The following TIAM1 variants were observed in gnomAD, a reference collection of about 807,000 sequenced individuals.
TIAM1 encodes TIAM Rac1 associated GEF 1, also known as rho guanine nucleotide exchange factor TIAM1.
Under a neutral mutation model 163.5 loss-of-function variants are expected in TIAM1, and 65 were observed. The ratio of observed to expected loss-of-function variants is 0.40; its 90% CI spans 0.33 to 0.49. The LOEUF is 0.49. Among genes scored for constraint, TIAM1 ranks in the 20% least tolerant of loss-of-function variants. The pLI is 0.77. For synonymous variants in TIAM1, 833 were observed against 810.1 expected (o/e 1.03, Z -0.48); for missense variants, 1,789 against 2,044.7 (o/e 0.87, Z 2.41).
chr21:31,185,400 C>T (rs867560740), intron 14 of TIAM1, among the ~76,000 whole-genome samples: 5 of 139,344 alleles, frequency 3.6e-5, no homozygotes, highest in Admixed American at 1.5e-4. Flanking sequence ...TATAATTATG[C>T]TATATAATTA....
intron 6 of TIAM1, among the ~76,000 whole-genome samples, chr21:31,228,688 G>A (rs1204156652): frequency 6.6e-6 from 1 of 152,214 alleles, no homozygotes; most frequent in Non-Finnish European, 1.5e-5. Flanking sequence ...ATGCACTGCA[G>A]TATATACTGT....
Position 31,120,795 on chromosome 21 carries a change from A to AGCC in TIAM1, c.4346_4348dup (p.Arg1449dup), listed in dbSNP as rs745780160. 13 of 1,613,798 alleles carry AGCC rather than the reference A, an allele frequency of 8.1e-6. No individual in the cohort carries two copies. The East Asian group carries it at 2.9e-4, about 36-fold the overall frequency. ...ATCAATGGTAAACCTGTTTCGAGCCAGCCGCCGCCTCCTCCTCCCAAGAGA... is the reference window on the plus strand; with the variant it reads ...ATCAATGGTAAACCTGTTTCGAGCCAGCCGCCGCCGCCTCCTCCTCCCAAGAGA... On this transcript the variant is annotated inframe_insertion, in exon 28 of 28. Coordinates refer to ENST00000541036, the MANE Select transcript of TIAM1 (RefSeq NM_001353694.2). The surrounding 1 kb of genome is among the most constrained non-coding windows in gnomAD (Gnocchi z 4.2).
chr21:31,384,239 G>A (rs1191737448), intron 2 of TIAM1, among the ~76,000 whole-genome samples: 1 of 151,658 alleles, frequency 6.6e-6, no homozygotes, highest in Non-Finnish European at 1.5e-5. Flanking sequence ...GGAAATAGAA[G>A]TAATCAAGCA....
At chr21:31,264,576 T>C (rs576643564) in intron 4 of TIAM1, among the ~76,000 whole-genome samples, 1 of 152,306 alleles carries the variant, frequency 6.6e-6, no homozygotes, top group South Asian at 2.1e-4. Context: ...TAAGAAGACG[T>C]GGAGCCAAAA....
At chr21:31,541,832 G>A (rs1364663069) in intron 1 of TIAM1, among the ~76,000 whole-genome samples, 1 of 152,218 alleles carries the variant, frequency 6.6e-6, no homozygotes, top group Non-Finnish European at 1.5e-5. Flanking sequence ...CAAAAATCAT[G>A]CAGTCAATAA....
intron 1 of TIAM1, among the ~76,000 whole-genome samples, chr21:31,507,194 T>G (rs1166221866): frequency 4.2e-5 from 2 of 47,528 alleles, no homozygotes; most frequent in African/African-American, 2.1e-4. Context: ...TTTTTTTTTT[T>G]TTTTTTTTTT....
chr21:31,165,794 A>G (rs1428016725), intron 15 of TIAM1, among the ~76,000 whole-genome samples: 1 of 152,240 alleles, frequency 6.6e-6, no homozygotes, highest in Non-Finnish European at 1.5e-5. Flanking sequence ...CATACTGAGA[A>G]CAGTACAACA....
At chr21:31,543,938 C>A (rs190013474) in intron 1 of TIAM1, among the ~76,000 whole-genome samples, 2 of 152,218 alleles carry the variant, frequency 1.3e-5, no homozygotes, top group Non-Finnish European at 2.9e-5. Flanking sequence ...AGACCCAGCA[C>A]AGTGGCTCAC....
At chr21:31,384,204 G>T (rs2076827074) in intron 2 of TIAM1, among the ~76,000 whole-genome samples, 2 of 151,512 alleles carry the variant, frequency 1.3e-5, no homozygotes, top group Non-Finnish European at 2.9e-5. Context: ...GATACTCAAG[G>T]AAATATATAA....
intron 1 of TIAM1, among the ~76,000 whole-genome samples, chr21:31,498,771 C>A (rs563417909): frequency 7.9e-5 from 12 of 151,962 alleles, no homozygotes; most frequent in African/African-American, 2.9e-4. Context: ...CATGGTGAAA[C>A]CCCATCTCTA....
Position 31,225,924 on chromosome 21 carries a change from G to A in TIAM1, c.1611C>T (p.Asn537=), listed in dbSNP as rs146784461. 3.7e-4 allele frequency: 600 copies of A among 1,614,140 alleles called. 1 individual carries two copies. In the African/African-American group the frequency reaches 5.2e-3, roughly 14 times the overall value. ...FQTTSQTELE[N]WITAIHSACA... The stretch of plus-strand genomic sequence containing the variant: ...AGGCAGAGTGGATGGCGGTGATCCA[G>A]TTTTCAAGCTCCGTCTGGCTAGTGG... The change falls in exon 7 of 28, where the codon AAC becomes AAT. Residue 537 remains asparagine (N), a synonymous_variant. Transcript: ENST00000541036.
At chr21:31,133,836 G>A (rs1331241989) in intron 23 of TIAM1, among the ~76,000 whole-genome samples, 2 of 152,282 alleles carry the variant, frequency 1.3e-5, no homozygotes, top group Non-Finnish European at 2.9e-5. Context: ...TTGGGAGGCC[G>A]AGGCGGGCAG....
intron 2 of TIAM1, among the ~76,000 whole-genome samples, chr21:31,327,613 C>T (rs1270938165): frequency 3.8e-5 from 5 of 131,296 alleles, no homozygotes; most frequent in Non-Finnish European, 7.7e-5. Context: ...TGCACTCCAG[C>T]CTGGGCAACA....
At position 31,499,497 on chromosome 21, in the gene TIAM1, C is replaced by T. The variant is rs184227120; in HGVS notation, c.-421-35462G>A. On this transcript the variant is annotated intron_variant, in intron 1 of 28. Transcript: ENST00000286827. ...TCAAGGTTATGGTGAGCAACGGTCA[C>T]GCTGCTGCTCTCCAGCCTGGACCAG... Among the ~76,000 whole-genome samples, 318 of 151,866 alleles carry T rather than the reference C, an allele frequency of 2.1e-3. 5 individuals carry two copies. Among genetic ancestry groups the T allele is most frequent in the East Asian group, 7.0e-3 (36 of 5,148 alleles).
intron 15 of TIAM1, among the ~76,000 whole-genome samples, chr21:31,172,482 A>C (rs1201721833): frequency 6.6e-6 from 1 of 152,210 alleles, no homozygotes; most frequent in Non-Finnish European, 1.5e-5. Flanking sequence ...AAAGCACGAC[A>C]GCTCTGCTAC....
chr21:31,189,435 T>C (rs1213552803), intron 13 of TIAM1, among the ~76,000 whole-genome samples: 3 of 152,076 alleles, frequency 2.0e-5, no homozygotes, highest in Non-Finnish European at 4.4e-5. Context: ...CTGCAATTGA[T>C]TATGTAATTT....
At chr21:31,308,040 T>C (rs923155639) in intron 2 of TIAM1, among the ~76,000 whole-genome samples, 2 of 152,106 alleles carry the variant, frequency 1.3e-5, no homozygotes, top group African/African-American at 4.8e-5. Flanking sequence ...GGAATCCCTG[T>C]CAGGGTTCAA....
intron 2 of TIAM1, among the ~76,000 whole-genome samples, chr21:31,327,741 AC>A (rs2075541860): frequency 6.6e-6 from 1 of 151,680 alleles, no homozygotes; most frequent in Non-Finnish European, 1.5e-5. Flanking sequence ...CCCCACCATC[AC>A]CCTGCACCAG....
chr21:31,387,131 C>T (rs1024425236), intron 2 of TIAM1, among the ~76,000 whole-genome samples: 4 of 151,838 alleles, frequency 2.6e-5, no homozygotes, highest in Non-Finnish European at 4.4e-5. Context: ...GTGGGGAGCC[C>T]CCGTCCCACC....
Sources: allele counts gnomAD v4.1 joint callset (sites outside exome capture counted in the v4.1 genomes callset), GRCh38; gene constraint gnomAD v4.1.1; non-coding constraint Gnocchi (gnomAD v3.1); transcripts MANE v1.5; gene names NCBI Gene and HGNC (gene_info 2026-07-23, HGNC 2026-07-21).